Variants in RELL1 observed in about 807,000 individuals in gnomAD.
RELL1 encodes the protein RELT-like protein 1.
A neutral mutation model predicts 23.0 loss-of-function variants in RELL1; 10 were observed. The observed-to-expected ratio is 0.43, with a 90% confidence interval of 0.27 to 0.74. The LOEUF (loss-of-function observed/expected upper bound fraction) is 0.74, where lower values mean the gene tolerates loss of function less well. Among genes scored for constraint, RELL1 ranks in the 30% least tolerant of loss-of-function variants. RELL1 has a pLI of 0.19. For synonymous variants in RELL1, 146 were observed against 146.8 expected (o/e 0.99, Z 0.04); for missense variants, 315 against 364.4 (o/e 0.86, Z 1.10).
intron 1 of RELL1, among the ~76,000 whole-genome samples, chr4:37,685,747 G>A (rs1274272540): frequency 6.6e-6 from 1 of 152,252 alleles, no homozygotes; most frequent in Non-Finnish European, 1.5e-5. Flanking sequence ...CAGGTTTTAG[G>A]ATATTTTAAG....
intron 6 of RELL1, among the ~76,000 whole-genome samples, chr4:37,600,102 T>C (rs1718976119): frequency 6.6e-6 from 1 of 152,076 alleles, no homozygotes. Flanking sequence ...AAACCCTGTC[T>C]CTACTAAAAA....
intron 5 of RELL1, 115 bp from the exon 6 acceptor site, chr4:37,631,638 G>T: frequency 8.7e-7 from 1 of 1,156,012 alleles, no homozygotes; most frequent in Non-Finnish European, 1.2e-6. Context: ...CAAAAGTTAG[G>T]ACACAAATGA....
intron 6 of RELL1, among the ~76,000 whole-genome samples, chr4:37,630,370 T>TG (rs1013771120): frequency 4.4e-5 from 6 of 136,558 alleles, no homozygotes; most frequent in Admixed American, 1.5e-4. Flanking sequence ...TTTTTTTTTT[T>TG]TTTTTTTTTT....
At chr4:37,649,559 T>C (rs1026903379) in intron 1 of RELL1, 59 bp from the exon 2 acceptor site, 19 of 1,453,820 alleles carry the variant, frequency 1.3e-5, no homozygotes, top group Non-Finnish European at 1.8e-5. Context: ...AAAAACCTAA[T>C]GACTCTCAGG....
Position 37,622,798 on chromosome 4 carries a change from G to GTTTTTTTTTTTTTTT in RELL1, c.*3+8586_*3+8587insAAAAAAAAAAAAAAA, listed in dbSNP as rs771576367. 9.6e-6 allele frequency: 4 copies of GTTTTTTTTTTTTTTT among 418,336 alleles called. 1 individual carries two copies. The highest frequency in any genetic ancestry group is 2.2e-5 in the African/African-American group (1 of 45,038). 25.9% of individuals were successfully genotyped at this position (418,336 alleles called of 1,614,324 possible). A position where few individuals can be genotyped will look rare whatever the true frequency, so the allele number is the denominator to read the frequency against. ...GGCACATAGTAGGGTCTCAAGTAAT[G>GTTTTTTTTTTTTTTT]CTTTTTTTTTTTTTTTTTTTTCTGA... On this transcript the variant is annotated intron_variant, in intron 6 of 6. Transcript: ENST00000454158.
chr4:37,600,780 C>CTTGTGT (rs71600512), intron 6 of RELL1, among the ~76,000 whole-genome samples: 1 of 147,568 alleles, frequency 6.8e-6, no homozygotes, highest in Non-Finnish European at 1.5e-5. Context: ...TGGATTTGTG[C>CTTGTGT]GTGTGTGTGT....
Position 37,631,532 on chromosome 4 carries a change from G to C in RELL1, c.681-9C>G, listed in dbSNP as rs773873391. 6.2e-7 allele frequency: 1 copy of C among 1,613,276 alleles called. No homozygotes were observed. The highest frequency in any genetic ancestry group is 1.1e-5 in the South Asian group (1 of 90,890). Reference sequence around the variant, plus strand: ...CTTTTGTAACTCTAAATCTGAGGGGGGAATGGGGAGAGGTGATGGGGTTTG... The same window carrying C: ...CTTTTGTAACTCTAAATCTGAGGGGCGAATGGGGAGAGGTGATGGGGTTTG... On this transcript the variant is annotated splice_polypyrimidine_tract_variant and intron_variant, in intron 5 of 6. Coordinates refer to ENST00000454158, the MANE Select transcript of RELL1 (RefSeq NM_001085400.2).
At chr4:37,666,304 A>G (rs1249553336) in intron 1 of RELL1, among the ~76,000 whole-genome samples, 1 of 152,204 alleles carries the variant, frequency 6.6e-6, no homozygotes, top group Non-Finnish European at 1.5e-5. Flanking sequence ...CCAACTCTGA[A>G]GCAAGACTAC....
Position 37,679,864 on chromosome 4 carries a change from ATC to A in RELL1, c.88+6334_88+6335del, listed in dbSNP as rs531871782. 3.0e-4 allele frequency among the ~76,000 whole-genome samples: 46 copies of A among 152,194 alleles called. 1 individual carries two copies. The highest frequency in any genetic ancestry group is 1.0e-3 in the African/African-American group (43 of 41,518). On this transcript the variant is annotated intron_variant, in intron 1 of 6. Coordinates refer to ENST00000454158, the MANE Select transcript of RELL1 (RefSeq NM_001085400.2). ...CTACTCGGGAGGCTGAGGCAGGAGA[ATC>A]TCTTGAACCCGGGAGGCGGAGCTTG...
At chr4:37,668,363 G>A (rs891935553) in intron 1 of RELL1, among the ~76,000 whole-genome samples, 5 of 152,208 alleles carry the variant, frequency 3.3e-5, no homozygotes, top group African/African-American at 7.2e-5. Context: ...TTGTAGGCCC[G>A]CGCCGCCACG....
rs1443754622 is a variant in RELL1, at chr4:37,610,816, TAG to T, written c.*2528_*2529del. ...AAAGTTGTCCATCATTAGTGTTTTC[TAG>T]AGAAAGTCTGTTGTGGATTCCCTCA... On this transcript the variant is annotated 3_prime_UTR_variant, in exon 7 of 7. Coordinates refer to ENST00000454158, the MANE Select transcript of RELL1 (RefSeq NM_001085400.2). The surrounding 1 kb of genome is among the most constrained non-coding windows in gnomAD (Gnocchi z 4.1). Among the ~76,000 whole-genome samples, 4 of 152,212 alleles carry T rather than the reference TAG, an allele frequency of 2.6e-5. No homozygotes were observed. Among genetic ancestry groups the T allele is most frequent in the African/African-American group, 4.8e-5 (2 of 41,450 alleles).
intron 1 of RELL1, among the ~76,000 whole-genome samples, chr4:37,671,863 G>A (rs568902275): frequency 4.6e-5 from 7 of 152,002 alleles, no homozygotes; most frequent in Admixed American, 1.3e-4. Flanking sequence ...GGTCAAGATC[G>A]GGACTCTTTT....
downstream of RELL1, among the ~76,000 whole-genome samples, chr4:37,609,576 T>A (rs13121507): frequency 5.3e-5 from 8 of 152,108 alleles, no homozygotes; most frequent in Non-Finnish European, 1.0e-4. Context: ...GTAAAGTCAA[T>A]TGAAATCTTC....
chr4:37,613,708 G>A (rs1023715621), intron 6 of RELL1, among the ~76,000 whole-genome samples: 6 of 152,098 alleles, frequency 3.9e-5, no homozygotes, highest in African/African-American at 1.2e-4. Flanking sequence ...AAGACAGCAC[G>A]GTTGGGATTT....
chr4:37,601,748 T>C (rs560882613), intron 6 of RELL1, among the ~76,000 whole-genome samples: 1 of 152,356 alleles, frequency 6.6e-6, no homozygotes, highest in East Asian at 1.9e-4. Flanking sequence ...CTATAACTCC[T>C]CCTATAGCTA....
In RELL1 at chr4:37,649,276, C is replaced by T; in HGVS notation, c.313G>A (p.Glu105Lys). The T allele has an allele frequency of 6.2e-7, 1 of 1,611,922 alleles. No homozygotes were observed. Among genetic ancestry groups the T allele is most frequent in the African/African-American group, 1.3e-5 (1 of 74,922 alleles). ...AATAAAAAGAGCCCTGGTTATTTAC[C>T]TATCTTTTCAACCTTTTCCTCTTCG... ...DIEEEKVEKIELNDSVNENSD... is the reference protein window; with the variant it reads ...DIEEEKVEKIKLNDSVNENSD... The change falls in exon 2 of 7, where the codon GAA (glutamate) becomes AAA (lysine). Residue 105 changes from glutamate (E) to lysine (K), a missense_variant and splice_region_variant. Glu to Lys is a moderately conservative substitution (Grantham distance 56). Coordinates refer to ENST00000454158, the MANE Select transcript of RELL1 (RefSeq NM_001085400.2).
chr4:37,598,941 T>G (rs1718948422), intron 6 of RELL1, among the ~76,000 whole-genome samples: 1 of 151,758 alleles, frequency 6.6e-6, no homozygotes, highest in African/African-American at 2.4e-5. Context: ...CACCTCACCC[T>G]CCCAAAGTGC....
At chr4:37,593,521 A>C (rs1190337050) in intron 6 of RELL1, among the ~76,000 whole-genome samples, 2 of 151,978 alleles carry the variant, frequency 1.3e-5, no homozygotes, top group Non-Finnish European at 2.9e-5. Flanking sequence ...CTCACTCTCT[A>C]TTAAGGACCC....
chr4:37,635,044 C>T lies in RELL1; in HGVS notation c.523G>A (p.Val175Ile), dbSNP rs763387307. The T allele has an allele frequency of 4.8e-5, 78 of 1,614,100 alleles. No homozygotes were observed. The highest frequency in any genetic ancestry group is 1.6e-4 in the Middle Eastern group (1 of 6,084). ...LSPGGTPGKHVCGHHLHTVGG... is the reference protein window; with the variant it reads ...LSPGGTPGKHICGHHLHTVGG... ...ACCGTATGCAGATGATGGCCACAGA[C>T]GTGCTTCCCTGGCGTCCCCCCTGGT... Residue 175 changes from valine to isoleucine, a missense_variant, in exon 5 of 7, where the codon GTC becomes ATC. Val to Ile is a conservative substitution (Grantham distance 29, BLOSUM62 3). Transcript: ENST00000454158.
Sources: gnomAD v4.1 joint callset for allele counts (sites outside exome capture counted in the v4.1 genomes callset) on GRCh38, gnomAD v4.1.1 for gene constraint, Gnocchi (gnomAD v3.1) non-coding constraint, MANE v1.5 for transcripts, NCBI Gene and HGNC (gene_info 2026-07-23, HGNC 2026-07-21) for gene names.